PLXNC1: variants seen among roughly 807,000 people sequenced by gnomAD.
PLXNC1 encodes plexin-C1.
In PLXNC1, 75 loss-of-function variants were observed where a neutral mutation model predicts 178.2. The observed-to-expected ratio is 0.42, with a 90% CI of 0.35 to 0.51. PLXNC1 has a LOEUF of 0.51. PLXNC1 is among the 20% of genes least tolerant of loss of function. PLXNC1 has a pLI of 0.02. For missense variants in PLXNC1, 1,503 were observed against 1,984.4 expected, an observed-to-expected ratio of 0.76 and a Z score of 4.61; for synonymous variants, 790 against 779.9, an observed-to-expected ratio of 1.01 and a Z score of -0.22.
intron 22 of PLXNC1, among the ~76,000 whole-genome samples, chr12:94,281,590 T>C (rs1006841455): frequency 9.4e-6 from 1 of 106,888 alleles, no homozygotes; most frequent in East Asian, 2.8e-4. Flanking sequence ...TAAAAACTTT[T>C]AAAAAAAATT....
intron 2 of PLXNC1, among the ~76,000 whole-genome samples, chr12:94,172,368 G>A (rs1207287465): frequency 4.6e-5 from 7 of 152,284 alleles, no homozygotes; most frequent in African/African-American, 1.7e-4. Flanking sequence ...CCCAACTGCT[G>A]TTTTTTACCA....
chr12:94,253,738 A>C (rs1964765252), intron 15 of PLXNC1, among the ~76,000 whole-genome samples: 1 of 151,704 alleles, frequency 6.6e-6, no homozygotes, highest in South Asian at 2.1e-4. Context: ...CAGTGGCACG[A>C]TCACGGCTCA....
intron 4 of PLXNC1, among the ~76,000 whole-genome samples, chr12:94,187,594 C>A (rs1157903532): frequency 6.6e-6 from 1 of 152,202 alleles, no homozygotes; most frequent in Non-Finnish European, 1.5e-5. Flanking sequence ...ATGAATAATT[C>A]ACTGATCACG....
intron 4 of PLXNC1, among the ~76,000 whole-genome samples, chr12:94,202,790 T>C (rs1279697774): frequency 2.6e-5 from 4 of 152,138 alleles, no homozygotes; most frequent in Non-Finnish European, 4.4e-5. Flanking sequence ...GATAGACTCA[T>C]CAACCAAACT....
chr12:94,222,373 C>T (rs1008924535), intron 6 of PLXNC1, among the ~76,000 whole-genome samples: 6 of 152,178 alleles, frequency 3.9e-5, no homozygotes, highest in Non-Finnish European at 8.8e-5. Flanking sequence ...TATCCATGGC[C>T]TTCTTTAAAC....
intron 1 of PLXNC1, 145 bp from the exon 2 acceptor site, chr12:94,169,008 G>C (rs771218640): frequency 1.4e-6 from 1 of 703,576 alleles, no homozygotes; most frequent in South Asian, 2.1e-5. Flanking sequence ...GGTTGCTCCC[G>C]GGGAATCTAG....
At chr12:94,209,852 T>C (rs1017839970) in intron 5 of PLXNC1, 148 bp downstream of exon 5, 9 of 576,834 alleles carry the variant, frequency 1.6e-5, no homozygotes, top group Non-Finnish European at 2.8e-5. Context: ...TAACGAATAT[T>C]GAGTGCCCAC....
At position 94,305,348 on chromosome 12, in the gene PLXNC1, C is replaced by G. The variant is rs1593032778; in HGVS notation, c.*63C>G. 8 of 894,770 alleles carry G rather than the reference C, an allele frequency of 8.9e-6. No individual in the cohort carries two copies. Among genetic ancestry groups the G allele is most frequent in the African/African-American group, 3.4e-5 (2 of 59,400 alleles). The allele number at this position is 894,770 out of a possible 1,614,324, so 55.4% of individuals were successfully genotyped here. On this transcript the variant is annotated 3_prime_UTR_variant, in exon 31 of 31. Transcript: ENST00000258526. Reference sequence around the variant, plus strand: ...AGACGACTTGGGAGCAAAATGGCTGCTTGAGCTACTCTGTGTCGTTAATTT... The same window carrying G: ...AGACGACTTGGGAGCAAAATGGCTGGTTGAGCTACTCTGTGTCGTTAATTT...
At position 94,260,490 on chromosome 12, in the gene PLXNC1, GT is replaced by G. The variant is rs1448970712; in HGVS notation, c.3252-151del. ...CACAGAAAATGTTCTAGAGATAGAA[GT>G]GGTTAGAATCTAAACATTAAAAAAA... is the stretch of plus-strand genomic sequence containing the variant. On this transcript the variant is annotated intron_variant, in intron 19 of 30. Coordinates refer to ENST00000258526, the MANE Select transcript of PLXNC1 (RefSeq NM_005761.3). This position sits in a 1 kb window ranked among gnomAD's most constrained non-coding sequence, Gnocchi z 4.4. 1.8e-6 allele frequency: 1 copy of G among 552,184 alleles called. No homozygotes were observed. Among genetic ancestry groups the G allele is most frequent in the African/African-American group, 2.0e-5 (1 of 49,040 alleles). 34.2% of individuals were successfully genotyped at this position (552,184 alleles called of 1,614,324 possible). A position where few individuals can be genotyped will look rare whatever the true frequency, so the allele number is the denominator to read the frequency against.
intron 25 of PLXNC1, 40 bp from the exon 26 acceptor site, chr12:94,297,276 G>A (rs1968027413): frequency 4.3e-6 from 7 of 1,613,060 alleles, no homozygotes; most frequent in Admixed American, 1.7e-5. Flanking sequence ...TGTAGCAAGA[G>A]TGGTCTCCTT....
intron 11 of PLXNC1, among the ~76,000 whole-genome samples, chr12:94,243,238 C>A (rs1442241442): frequency 6.6e-6 from 1 of 152,224 alleles, no homozygotes; most frequent in African/African-American, 2.4e-5. Context: ...TTGGACCTGA[C>A]GTACCCAGGC....
chr12:94,238,916 G>GT (rs1374653079), intron 10 of PLXNC1, among the ~76,000 whole-genome samples: 2 of 152,078 alleles, frequency 1.3e-5, no homozygotes, highest in Admixed American at 6.6e-5. Flanking sequence ...TGCAACATAG[G>GT]TTTTTTTGTG....
At chr12:94,157,874 G>A (rs1352885412) in intron 1 of PLXNC1, among the ~76,000 whole-genome samples, 1 of 152,202 alleles carries the variant, frequency 6.6e-6, no homozygotes, top group African/African-American at 2.4e-5. Flanking sequence ...TGAGCAGGTA[G>A]GGCTGTGTTC....
At chr12:94,264,088 C>T (rs192558102) in intron 20 of PLXNC1, among the ~76,000 whole-genome samples, 162 of 152,210 alleles carry the variant, frequency 1.1e-3, no homozygotes, top group African/African-American at 3.3e-3. Context: ...CTTTGACTTC[C>T]CAGCCACGGT....
intron 5 of PLXNC1, among the ~76,000 whole-genome samples, chr12:94,216,993 C>T (rs1300782913): frequency 1.3e-5 from 2 of 152,164 alleles, no homozygotes; most frequent in Non-Finnish European, 2.9e-5. Flanking sequence ...CCCCAAGTTA[C>T]GCAAAAATAC....
chr12:94,153,669 A>G (rs934483079), intron 1 of PLXNC1, among the ~76,000 whole-genome samples: 1 of 152,210 alleles, frequency 6.6e-6, no homozygotes, highest in African/African-American at 2.4e-5. Flanking sequence ...CATTGAGGGT[A>G]GTACGTTTTC....
rs907354580 is a variant in PLXNC1, at chr12:94,220,119, A to G, written c.1658A>G (p.Asn553Ser). The change falls in exon 6 of 31, where the codon AAC (asparagine) becomes AGC (serine). Residue 553 changes from asparagine (N) to serine (S), a missense_variant. Asn to Ser is a conservative substitution (Grantham distance 46). Transcript: ENST00000258526. ...CTCTGCCAGAATAAAAGTCAGCCCA[A>G]CCGGACCTGCACCTGTAGCATCCCA... The part of the protein sequence containing the change: ...RELCQNKSQP[N>S]RTCTCSIPTR... 5.6e-6 allele frequency: 9 copies of G among 1,613,914 alleles called. No individual in the cohort carries two copies. Among genetic ancestry groups the G allele is most frequent in the Non-Finnish European group, 7.6e-6 (9 of 1,179,984 alleles).
chr12:94,282,298 A>G lies in PLXNC1; in HGVS notation c.3776A>G (p.Glu1259Gly). The change falls in exon 23 of 31, where the codon GAG becomes GGG. Residue 1259 changes from glutamate to glycine, a missense_variant and splice_region_variant. Glu to Gly is a moderately conservative substitution (Grantham distance 98). Transcript: ENST00000258526. ...AAAGGAACAAAATGCTCTTTTTCAG[A>G]GCTTCAAATGGGCACACGACAGAAA... ...YGLQLNEIGL[E>G]LQMGTRQKEL... 6.2e-7 allele frequency: 1 copy of G among 1,607,628 alleles called. No individual in the cohort carries two copies. Among genetic ancestry groups the G allele is most frequent in the Non-Finnish European group, 8.5e-7 (1 of 1,175,402 alleles).
chr12:94,229,140 A>T (rs1192857733), intron 9 of PLXNC1, among the ~76,000 whole-genome samples: 1 of 152,066 alleles, frequency 6.6e-6, no homozygotes, highest in East Asian at 1.9e-4. Context: ...TTTGATTTGC[A>T]TTTCCTTGAT....
Sources: gnomAD v4.1 joint callset for allele counts (sites outside exome capture counted in the v4.1 genomes callset) on GRCh38, gnomAD v4.1.1 for gene constraint, Gnocchi (gnomAD v3.1) non-coding constraint, MANE v1.5 for transcripts, NCBI Gene and HGNC (gene_info 2026-07-23, HGNC 2026-07-21) for gene names.